PAN3: variants seen among roughly 807,000 people sequenced by gnomAD.
The protein encoded by PAN3 is PAN2-PAN3 deadenylation complex subunit PAN3.
In PAN3, 19 loss-of-function variants were observed where a neutral mutation model predicts 96.2. The ratio of observed to expected loss-of-function variants is 0.20; its 90% CI spans 0.14 to 0.29. The LOEUF (loss-of-function observed/expected upper bound fraction) is 0.29, where lower values mean the gene tolerates loss of function less well. PAN3 is among the 10% of genes least tolerant of loss of function. The pLI, the probability that PAN3 is intolerant of heterozygous loss-of-function variation, is 1.00. For missense variants in PAN3, 882 were observed against 1,108.1 expected, an observed-to-expected ratio of 0.80 and a Z score of 2.90; for synonymous variants, 433 against 406.6, an observed-to-expected ratio of 1.06 and a Z score of -0.78.
In PAN3 at chr13:28,294,421, T is replaced by G. The variant is rs1870106554; in HGVS notation, c.*1899T>G. The stretch of plus-strand genomic sequence containing the variant: ...TGTATTCTTTTGTACAAAAAAGAAC[T>G]ACTTGTATTCTAGAAGAAATATGAA... On this transcript the variant is annotated 3_prime_UTR_variant, in exon 19 of 19. Transcript: ENST00000380958. 6.6e-6 allele frequency: 1 copy of G among 152,662 alleles called. No individual in the cohort carries two copies. The highest frequency in any genetic ancestry group is 1.5e-5 in the Non-Finnish European group (1 of 68,032). 9.5% of individuals were successfully genotyped at this position (152,662 alleles called of 1,614,324 possible).
At position 28,293,687 on chromosome 13, in the gene PAN3, T is replaced by G. The variant is rs1192028285; in HGVS notation, c.*1165T>G. On this transcript the variant is annotated 3_prime_UTR_variant, in exon 19 of 19. Coordinates refer to ENST00000380958, the MANE Select transcript of PAN3 (RefSeq NM_175854.8). ...CCTGAATAAGTCCATCTCAAAAGTTTGGGATTTTCCTCCTCTTAACTTTCT... is the reference window on the plus strand; with the variant it reads ...CCTGAATAAGTCCATCTCAAAAGTTGGGGATTTTCCTCCTCTTAACTTTCT... 1 of 152,622 alleles carries G rather than the reference T, an allele frequency of 6.6e-6. No homozygotes were observed. The highest frequency in any genetic ancestry group is 1.5e-5 in the Non-Finnish European group (1 of 68,044). The allele number at this position is 152,622 out of a possible 1,614,324, so 9.5% of individuals were successfully genotyped here.
intron 14 of PAN3, among the ~76,000 whole-genome samples, chr13:28,275,890 C>T (rs1339339604): frequency 6.6e-6 from 1 of 152,154 alleles, no homozygotes; most frequent in Admixed American, 6.6e-5. Context: ...ATCTCATGTT[C>T]AGTGTCAGAT....
intron 6 of PAN3, among the ~76,000 whole-genome samples, chr13:28,244,303 T>TA (rs1417225554): frequency 6.6e-6 from 1 of 152,222 alleles, no homozygotes; most frequent in African/African-American, 2.4e-5. Flanking sequence ...CAGCATATTT[T>TA]AAAAAGTAGT....
intron 6 of PAN3, among the ~76,000 whole-genome samples, chr13:28,254,979 A>G (rs896543092): frequency 6.6e-6 from 1 of 152,182 alleles, no homozygotes. Context: ...GCTCTTCAGA[A>G]AGTACAGAGG....
At chr13:28,282,266 G>A (rs908526463) in intron 17 of PAN3, among the ~76,000 whole-genome samples, 1 of 151,786 alleles carries the variant, frequency 6.6e-6, no homozygotes, top group Non-Finnish European at 1.5e-5. Flanking sequence ...GACTATATAC[G>A]TAAGTTACAT....
rs182668047 is a variant in PAN3 at position 28,146,157 on chromosome 13, T to C, written c.430+7070T>C. ...AAAATAAATCAGTCTCCTCATCTTA[T>C]TGTCCAGGGTTAATCATTATTAATA... On this transcript the variant is annotated intron_variant, in intron 1 of 18. Coordinates refer to ENST00000380958, the MANE Select transcript of PAN3 (RefSeq NM_175854.8). Among the ~76,000 whole-genome samples, 494 of 152,192 alleles carry C rather than the reference T, an allele frequency of 3.2e-3. 3 individuals carry two copies. The highest frequency in any genetic ancestry group is 0.011 in the African/African-American group (465 of 41,522).
At chr13:28,204,980 G>T (rs1365262748) in intron 5 of PAN3, among the ~76,000 whole-genome samples, 1 of 151,984 alleles carries the variant, frequency 6.6e-6, no homozygotes, top group Non-Finnish European at 1.5e-5. Flanking sequence ...TTTTCCCCTT[G>T]TCTGATTAAA....
chr13:28,210,910 C>CT (rs1879948403), intron 5 of PAN3, among the ~76,000 whole-genome samples: 1 of 151,916 alleles, frequency 6.6e-6, no homozygotes, highest in Non-Finnish European at 1.5e-5. Context: ...TGGATCTCAT[C>CT]TTTATTTTTT....
At chr13:28,197,471 A>G (rs1288328933) in intron 5 of PAN3, 125 bp downstream of exon 5, 8 of 890,514 alleles carry the variant, frequency 9.0e-6, no homozygotes, top group South Asian at 5.0e-5. Flanking sequence ...AATTAAAAAA[A>G]TTTTTAATCA....
chr13:28,229,504 A>G (rs1253213312), intron 6 of PAN3, among the ~76,000 whole-genome samples: 1 of 152,176 alleles, frequency 6.6e-6, no homozygotes, highest in African/African-American at 2.4e-5. Flanking sequence ...GACTCTTTAC[A>G]TATCCAAGTT....
chr13:28,228,123 GGA>G (rs1171929778), intron 6 of PAN3, among the ~76,000 whole-genome samples: 6 of 152,186 alleles, frequency 3.9e-5, no homozygotes, highest in African/African-American at 4.8e-5. Flanking sequence ...CCTACTCAGT[GGA>G]GAAGATAGTA....
intron 15 of PAN3, among the ~76,000 whole-genome samples, chr13:28,278,583 A>G (rs1385278142): frequency 6.6e-6 from 1 of 152,200 alleles, no homozygotes; most frequent in Admixed American, 6.5e-5. Context: ...AAAAAAATGA[A>G]TAAACAAAAA....
chr13:28,249,670 G>A lies in PAN3; in HGVS notation c.1001-6622G>A, dbSNP rs541926915. On this transcript the variant is annotated intron_variant, in intron 6 of 18. Transcript: ENST00000380958. ...TCACCATGTTGACCAGGCTGGTCTCGAACTCCTGACCTCAAGGGATCTACC... is the reference window on the plus strand; with the variant it reads ...TCACCATGTTGACCAGGCTGGTCTCAAACTCCTGACCTCAAGGGATCTACC... Among the ~76,000 whole-genome samples, 15 of 152,084 alleles carry A rather than the reference G, an allele frequency of 9.9e-5. No homozygotes were observed. In the South Asian group the frequency reaches 2.7e-3, roughly 27 times the overall value.
At chr13:28,277,106 C>A in intron 14 of PAN3, 131 bp from the exon 15 acceptor site, 2 of 844,836 alleles carry the variant, frequency 2.4e-6, no homozygotes, top group Non-Finnish European at 3.6e-6. Context: ...TTCTGAGAAT[C>A]ACCAGTATTT....
At chr13:28,174,533 ACTAT>A in intron 2 of PAN3, 140 bp downstream of exon 2, 1 of 976,052 alleles carries the variant, frequency 1.0e-6, no homozygotes, top group Non-Finnish European at 1.5e-6. Context: ...ATGTAGGTAA[ACTAT>A]CTCCCATGGG....
rs1887162976 is a variant in PAN3 at position 28,277,526 on chromosome 13, T to C, written c.2189+150T>C. 2.8e-5 allele frequency: 23 copies of C among 824,556 alleles called. No homozygotes were observed. In the South Asian group the frequency reaches 4.6e-4, roughly 16 times the overall value. 51.1% of individuals were successfully genotyped at this position (824,556 alleles called of 1,614,324 possible). A position where few individuals can be genotyped will look rare whatever the true frequency, so the allele number is the denominator to read the frequency against. On this transcript the variant is annotated intron_variant, in intron 15 of 18. Transcript: ENST00000380958. ...TTTATTTTTATTGCAAAGTAAATAT[T>C]TCTTAGATAAATTGATAAACCAGTG...
intron 5 of PAN3, among the ~76,000 whole-genome samples, chr13:28,211,039 G>A (rs1221681326): frequency 2.6e-5 from 4 of 152,020 alleles, no homozygotes; most frequent in East Asian, 3.9e-4. Flanking sequence ...CCACAGGTGC[G>A]TACCACCACA....
chr13:28,158,923 C>G (rs1872559206), intron 1 of PAN3, among the ~76,000 whole-genome samples: 1 of 149,646 alleles, frequency 6.7e-6, no homozygotes, highest in East Asian at 1.9e-4. Flanking sequence ...TAGAGAAATG[C>G]AAATCAAAAC....
chr13:28,288,518 C>T lies in PAN3; in HGVS notation c.2523+396C>T, dbSNP rs45508094. Reference sequence around the variant, plus strand: ...TGTTGGCCAGGCTGGTCTCGAACTCCTCACTTCAAGTGATTCGCCTGCCTC... The same window carrying T: ...TGTTGGCCAGGCTGGTCTCGAACTCTTCACTTCAAGTGATTCGCCTGCCTC... On this transcript the variant is annotated intron_variant, in intron 18 of 18. Transcript: ENST00000380958. 5.3e-3 allele frequency among the ~76,000 whole-genome samples: 803 copies of T among 152,260 alleles called. 9 individuals are homozygous for T. The highest frequency in any genetic ancestry group is 0.019 in the African/African-American group (772 of 41,534).
Sources: gnomAD v4.1 joint callset for allele counts (sites outside exome capture counted in the v4.1 genomes callset) on GRCh38, gnomAD v4.1.1 for gene constraint, MANE v1.5 for transcripts, NCBI Gene and HGNC (gene_info 2026-07-23, HGNC 2026-07-21) for gene names.